Variants in FKBP9 observed in about 807,000 individuals in gnomAD.
FKBP9 encodes peptidyl-prolyl cis-trans isomerase FKBP9.
FKBP9 carries 27 observed loss-of-function variants against 55.6 expected under a neutral mutation model. The ratio of observed to expected loss-of-function variants is 0.49; its 90% CI spans 0.36 to 0.67. The LOEUF (loss-of-function observed/expected upper bound fraction) is 0.67. Among genes scored for constraint, FKBP9 ranks in the 30% least tolerant of loss-of-function variants. The pLI is 0.00. For synonymous variants in FKBP9, 267 were observed against 296.5 expected (o/e 0.90, Z 1.02); for missense variants, 539 against 742.8 (o/e 0.73, Z 3.19).
intron 8 of FKBP9, among the ~76,000 whole-genome samples, chr7:33,001,547 T>A (rs1318932221): frequency 6.6e-6 from 1 of 151,528 alleles, no homozygotes. Flanking sequence ...AAAAAAAAAA[T>A]TGTTGTATAT....
At chr7:32,998,497 T>C (rs1480477055) in intron 7 of FKBP9, 1 of 152,102 alleles carries the variant, frequency 6.6e-6, no homozygotes, top group Non-Finnish European at 1.5e-5. Flanking sequence ...GAGCCAGAGC[T>C]CCTTATCAGG....
intron 7 of FKBP9, among the ~76,000 whole-genome samples, chr7:32,997,401 T>C (rs1164351482): frequency 5.6e-5 from 8 of 142,470 alleles, no homozygotes; most frequent in Non-Finnish European, 1.2e-4. Context: ...TTTTTAGAGA[T>C]GGGGGGGGTC....
intron 1 of FKBP9, among the ~76,000 whole-genome samples, chr7:32,966,583 T>C (rs1444247942): frequency 6.6e-6 from 1 of 152,146 alleles, no homozygotes. Context: ...CTGGCTTTGG[T>C]TGGGTTCAGC....
rs1216778498 is a variant in FKBP9, at chr7:32,980,540, C to T, written c.880C>T (p.Leu294Phe). 4.3e-6 allele frequency: 7 copies of T among 1,612,712 alleles called. No homozygotes were observed. Among genetic ancestry groups the T allele is most frequent in the Admixed American group, 1.7e-5 (1 of 59,570 alleles). ...HYNGTLLDGTLFDSSYSRNRT... is the reference protein window; with the variant it reads ...HYNGTLLDGTFFDSSYSRNRT... The stretch of plus-strand genomic sequence containing the variant: ...CAATGGCACGCTTCTGGATGGCACC[C>T]TCTTTGATTCCAGGTAAGGAAATGA... The change falls in exon 5 of 10, where the codon CTC (leucine) becomes TTC (phenylalanine). Residue 294 changes from leucine (L) to phenylalanine (F), a missense_variant. Coordinates refer to ENST00000242209, the MANE Select transcript of FKBP9 (RefSeq NM_007270.5).
At chr7:32,984,259 A>T (rs1455167103) in intron 5 of FKBP9, among the ~76,000 whole-genome samples, 1 of 148,904 alleles carries the variant, frequency 6.7e-6, no homozygotes, top group Non-Finnish European at 1.5e-5. Flanking sequence ...TTTGAGACAG[A>T]GTCTCACTCT....
intron 1 of FKBP9, among the ~76,000 whole-genome samples, chr7:32,966,994 G>C (rs565059401): frequency 9.2e-5 from 14 of 152,116 alleles, no homozygotes; most frequent in Non-Finnish European, 1.9e-4. Context: ...TGTTCAAAGC[G>C]AGGGAAGAGA....
chr7:32,967,755 GTT>G (rs1562563788), intron 1 of FKBP9, among the ~76,000 whole-genome samples: 6 of 137,748 alleles, frequency 4.4e-5, no homozygotes, highest in African/African-American at 1.8e-4. Flanking sequence ...TGGTTTTTTT[GTT>G]TTGTTTTGTT....
At chr7:32,985,928 G>A (rs1784565855) in intron 5 of FKBP9, among the ~76,000 whole-genome samples, 1 of 152,102 alleles carries the variant, frequency 6.6e-6, no homozygotes, top group Non-Finnish European at 1.5e-5. Flanking sequence ...AGGAGACAGA[G>A]GTTGCAGTGA....
chr7:32,987,355 G>A (rs1464970593), intron 5 of FKBP9, among the ~76,000 whole-genome samples: 2 of 151,874 alleles, frequency 1.3e-5, no homozygotes, highest in African/African-American at 4.8e-5. Context: ...AATGAGCCAG[G>A]CATGGTATTG....
chr7:33,003,726 TC>T (rs1404851801), intron 9 of FKBP9, among the ~76,000 whole-genome samples: 1 of 152,206 alleles, frequency 6.6e-6, no homozygotes, highest in Non-Finnish European at 1.5e-5. Flanking sequence ...TTCATGGTGT[TC>T]CTTCTACCTC....
Position 32,988,621 on chromosome 7 carries a change from G to A in FKBP9, c.1008G>A (p.Pro336=), listed in dbSNP as rs200601982. 3.4e-4 allele frequency: 547 copies of A among 1,613,940 alleles called. No homozygotes were observed. Among genetic ancestry groups the A allele is most frequent in the Admixed American group, 2.1e-3 (126 of 60,014 alleles). The part of the protein sequence containing the change: ...CIGEKRRIVV[P]PHLGYGEEGR... ...GAGAAAAGCGAAGGATTGTGGTCCC[G>A]CCTCACCTGGGGTATGGAGAGGAAG... The change falls in exon 6 of 10, where the codon CCG becomes CCA. Residue 336 remains proline, a synonymous_variant. Coordinates refer to ENST00000242209, the MANE Select transcript of FKBP9 (RefSeq NM_007270.5).
Position 32,957,512 on chromosome 7 carries a change from C to G in FKBP9, c.-62C>G. 1 of 1,265,622 alleles carries G rather than the reference C, an allele frequency of 7.9e-7. No individual in the cohort carries two copies. Among genetic ancestry groups the G allele is most frequent in the African/African-American group, 1.6e-5 (1 of 63,298 alleles). The allele number at this position is 1,265,622 out of a possible 1,614,324, so 78.4% of individuals were successfully genotyped here. ...CACGTTTGCAAACGCAGCCGAACGCCCAGGCCGACCCGTGCCGCCCGAGCG... is the reference window on the plus strand; with the variant it reads ...CACGTTTGCAAACGCAGCCGAACGCGCAGGCCGACCCGTGCCGCCCGAGCG... On this transcript the variant is annotated 5_prime_UTR_variant, in exon 1 of 10. Coordinates refer to ENST00000242209, the MANE Select transcript of FKBP9 (RefSeq NM_007270.5).
chr7:32,958,397 A>C lies in FKBP9; in HGVS notation c.221+603A>C, dbSNP rs185603223. Among the ~76,000 whole-genome samples, 3 of 152,330 alleles carry C rather than the reference A, an allele frequency of 2.0e-5. No individual in the cohort carries two copies. The East Asian group carries it at 5.8e-4, about 29-fold the overall frequency. ...TCATTTTATCAGTAAGGTAACAAGC[A>C]ACTGCGGCTAAGAAACGTGTTTAAA... On this transcript the variant is annotated intron_variant, in intron 1 of 9. Coordinates refer to ENST00000242209, the MANE Select transcript of FKBP9 (RefSeq NM_007270.5).
At chr7:33,001,068 T>C (rs2392189) in intron 8 of FKBP9, among the ~76,000 whole-genome samples, 4 of 152,208 alleles carry the variant, frequency 2.6e-5, no homozygotes, top group Non-Finnish European at 4.4e-5. Flanking sequence ...TGAGCCACTG[T>C]GCCTGGCCCC....
intron 1 of FKBP9, among the ~76,000 whole-genome samples, chr7:32,958,368 A>G (rs1322578235): frequency 6.6e-6 from 1 of 152,232 alleles, no homozygotes; most frequent in East Asian, 1.9e-4. Context: ...TACTATCACT[A>G]CCCTCATTTT....
intron 1 of FKBP9, among the ~76,000 whole-genome samples, chr7:32,966,190 C>CAAAAA (rs60022113): frequency 1.3e-5 from 1 of 77,220 alleles, no homozygotes; most frequent in African/African-American, 5.3e-5. Flanking sequence ...GACGCCATCT[C>CAAAAA]AAAAAAAAAA....
intron 7 of FKBP9, 138 bp downstream of exon 7, chr7:32,996,487 C>T: frequency 3.2e-6 from 2 of 633,784 alleles, no homozygotes; most frequent in Non-Finnish European, 2.9e-6. Context: ...GTGGCTGCAT[C>T]ACTGCTCAGG....
intron 1 of FKBP9, among the ~76,000 whole-genome samples, chr7:32,965,845 G>GTATACACATATATATATATATATA (rs1562563036): frequency 7.0e-4 from 54 of 76,750 alleles, no homozygotes; most frequent in African/African-American, 2.9e-3. Context: ...ATATATATAT[G>GTATACACATATATATATATATATA]TGTGTACAGA....
chr7:32,992,662 T>G (rs986682907), intron 6 of FKBP9: 1 of 191,906 alleles, frequency 5.2e-6, no homozygotes, highest in African/African-American at 2.3e-5. Context: ...GTTCGAAGCC[T>G]TGGTGCTGCC....
Sources: gnomAD v4.1 joint callset for allele counts (sites outside exome capture counted in the v4.1 genomes callset) on GRCh38, gnomAD v4.1.1 for gene constraint, MANE v1.5 for transcripts, NCBI Gene and HGNC (gene_info 2026-07-23, HGNC 2026-07-21) for gene names.